Variants in SLC12A5 observed in about 807,000 individuals in gnomAD.
SLC12A5 encodes K-Cl cotransporter 2.
A neutral mutation model predicts 124.0 loss-of-function variants in SLC12A5; 18 were observed. The observed-to-expected ratio is 0.15, with a 90% CI of 0.10 to 0.22. The LOEUF is 0.22. Among genes scored for constraint, SLC12A5 ranks in the 10% least tolerant of loss-of-function variants. The pLI is 1.00. For synonymous variants in SLC12A5, 589 were observed against 568.0 expected, an observed-to-expected ratio of 1.04 and a Z score of -0.53; for missense variants, 867 against 1,478.7, an observed-to-expected ratio of 0.59 and a Z score of 6.78.
intron 17 of SLC12A5, among the ~76,000 whole-genome samples, chr20:46,050,785 A>C (rs1245524961): frequency 1.3e-5 from 2 of 152,244 alleles, no homozygotes; most frequent in African/African-American, 4.8e-5. Flanking sequence ...AAGGCAGAGC[A>C]TACACAGAAG....
At chr20:46,036,827 A>T in intron 5 of SLC12A5, 32 bp downstream of exon 5, 1 of 1,612,942 alleles carries the variant, frequency 6.2e-7, no homozygotes, top group Non-Finnish European at 8.5e-7. Context: ...GGGAGGGAGG[A>T]TGGCTGGGTG....
In SLC12A5 at chr20:46,029,298, G is replaced by A. The variant is rs1163146972; in HGVS notation, c.-47G>A. The A allele has an allele frequency of 2.6e-6, 4 of 1,513,860 alleles. No individual in the cohort carries two copies. The highest frequency in any genetic ancestry group is 1.3e-5 in the South Asian group (1 of 77,400). 93.8% of individuals were successfully genotyped at this position (1,513,860 alleles called of 1,614,324 possible). A position where few individuals can be genotyped will look rare whatever the true frequency, so the allele number is the denominator to read the frequency against. On this transcript the variant is annotated 5_prime_UTR_variant, in exon 1 of 26. Coordinates refer to ENST00000243964, the MANE Select transcript of SLC12A5 (RefSeq NM_020708.5). Reference sequence around the variant, plus strand: ...GCGGCGAAGGCGGGTAGAGGGGCGCGGGCGAGGCGGCGCAGCCATCCCCGG... The same window carrying A: ...GCGGCGAAGGCGGGTAGAGGGGCGCAGGCGAGGCGGCGCAGCCATCCCCGG...
In SLC12A5 at chr20:46,029,306, C is replaced by T. The variant is rs765869749; in HGVS notation, c.-39C>T. ...GGCGGGTAGAGGGGCGCGGGCGAGG[C>T]GGCGCAGCCATCCCCGGACCAGGGG... is the stretch of plus-strand genomic sequence containing the variant. On this transcript the variant is annotated 5_prime_UTR_variant, in exon 1 of 26. Transcript: ENST00000243964. The T allele has an allele frequency of 4.6e-6, 7 of 1,508,478 alleles. No homozygotes were observed. The South Asian group carries it at 7.7e-5, about 17-fold the overall frequency. The allele number at this position is 1,508,478 out of a possible 1,614,324, so 93.4% of individuals were successfully genotyped here. A position where few individuals can be genotyped will look rare whatever the true frequency, so the allele number is the denominator to read the frequency against.
At chr20:46,021,710 G>A (rs1280729767), upstream of SLC12A5, 15 of 1,524,048 alleles carry the variant, frequency 9.8e-6, no homozygotes, top group Non-Finnish European at 1.2e-5. Flanking sequence ...GAGCCTGGTT[G>A]CAGCCACTTG....
At chr20:46,047,030 G>T (rs888355254) in intron 14 of SLC12A5, among the ~76,000 whole-genome samples, 5 of 152,206 alleles carry the variant, frequency 3.3e-5, no homozygotes, top group African/African-American at 9.7e-5. Flanking sequence ...CCGGCCCAAG[G>T]TCCCCCAGCA....
Position 46,057,285 on chromosome 20 carries a change from C to A in SLC12A5, c.3241C>A (p.Arg1081Ser). The stretch of plus-strand genomic sequence containing the variant: ...CAACATGCCTGGGCCTCCCCGCAAC[C>A]GCAATGGTGATGAAAACTGTATCCT... The part of the protein sequence containing the change: ...LLNMPGPPRN[R>S]NGDENYMEFL... Residue 1081 changes from arginine to serine, a missense_variant, in exon 25 of 26, where the codon CGC becomes AGC. Physicochemically the swap from Arg to Ser is moderately radical, Grantham distance 110. This residue lies in a region of SLC12A5 where 180 missense variants were observed against 243.6 expected (regional missense o/e 0.74). Transcript: ENST00000243964. The surrounding 1 kb of genome is among the most constrained non-coding windows in gnomAD (Gnocchi z 7.1). The A allele has an allele frequency of 6.2e-7, 1 of 1,614,198 alleles. No individual in the cohort carries two copies. Among genetic ancestry groups the A allele is most frequent in the Non-Finnish European group, 8.5e-7 (1 of 1,180,040 alleles).
upstream of SLC12A5, among the ~76,000 whole-genome samples, chr20:46,026,939 G>C (rs960980305): frequency 6.6e-6 from 1 of 152,188 alleles, no homozygotes; most frequent in Admixed American, 6.5e-5. Flanking sequence ...AGTGGCCAAA[G>C]CTGGACCACA....
chr20:46,041,930 G>GGC (rs1015141967), intron 8 of SLC12A5, among the ~76,000 whole-genome samples: 1 of 152,018 alleles, frequency 6.6e-6, no homozygotes, highest in Non-Finnish European at 1.5e-5. Flanking sequence ...AATGCCCGGG[G>GGC]GGGGAGAGTT....
chr20:46,022,096 A>T, intron 1 of SLC12A5: 3 of 177,526 alleles, frequency 1.7e-5, no homozygotes, highest in Non-Finnish European at 1.6e-5. Context: ...GCCAAACGCG[A>T]GGTGGGCGTG....
chr20:46,058,445 C>T lies in SLC12A5; in HGVS notation c.*840C>T. The T allele has an allele frequency of 2.5e-6, 1 of 399,108 alleles. No individual in the cohort carries two copies. The highest frequency in any genetic ancestry group is 4.4e-6 in the Non-Finnish European group (1 of 226,132). 24.7% of individuals were successfully genotyped at this position (399,108 alleles called of 1,614,324 possible). On this transcript the variant is annotated 3_prime_UTR_variant, in exon 26 of 26. Coordinates refer to ENST00000243964, the MANE Select transcript of SLC12A5 (RefSeq NM_020708.5). The surrounding 1 kb of genome is among the most constrained non-coding windows in gnomAD (Gnocchi z 5.8). ...AAGGGTCCAACTTTTCCTGGATTCG[C>T]CTCCCAGCGGACGTGAGCTTCCACT...
intron 6 of SLC12A5, among the ~76,000 whole-genome samples, chr20:46,038,622 A>T (rs900330683): frequency 2.0e-5 from 3 of 152,234 alleles, no homozygotes; most frequent in African/African-American, 7.2e-5. Flanking sequence ...GAAAATGATA[A>T]GGGTAGAGAA....
chr20:46,022,580 T>G, intron 1 of SLC12A5: 1 of 353,804 alleles, frequency 2.8e-6, no homozygotes. Context: ...GGCAGGGAAG[T>G]TAGTATGGAT....
chr20:46,050,849 G>C (rs184626723), intron 17 of SLC12A5, among the ~76,000 whole-genome samples: 3 of 152,348 alleles, frequency 2.0e-5, no homozygotes, highest in Non-Finnish European at 4.4e-5. Flanking sequence ...TAACATCAGG[G>C]TCGTACAATG....
chr20:46,021,802 G>T, upstream of SLC12A5: 3 of 1,532,476 alleles, frequency 2.0e-6, no homozygotes, highest in Non-Finnish European at 2.6e-6. Flanking sequence ...GCTGCCCCCC[G>T]CAGGGCCCGC....
In SLC12A5 at chr20:46,021,888, T is replaced by C. The variant is rs2084358366; in HGVS notation, c.48+2T>C. 2 of 1,522,458 alleles carry C rather than the reference T, an allele frequency of 1.3e-6. No homozygotes were observed. Among genetic ancestry groups the C allele is most frequent in the Admixed American group, 4.0e-5 (2 of 50,132 alleles). 94.3% of individuals were successfully genotyped at this position (1,522,458 alleles called of 1,614,324 possible). On this transcript the variant is annotated splice_donor_variant, in intron 1 of 2. Coordinates refer to the SLC12A5 transcript ENST00000413737. LOFTEE classifies it high-confidence loss of function. The stretch of plus-strand genomic sequence containing the variant: ...ACCTCCCGGGGGAAGACGTCAAAGG[T>C]AGAGGCCGCAGGGGGCGGGGCCTGC...
At chr20:46,036,684 C>T (rs2084501414) in intron 4 of SLC12A5, 57 bp from the exon 5 acceptor site, 1 of 1,597,412 alleles carries the variant, frequency 6.3e-7, no homozygotes, top group Non-Finnish European at 8.6e-7. Flanking sequence ...TTGGCCCCCA[C>T]CCAGGCCACT....
chr20:46,055,508 G>T (rs987048485), intron 21 of SLC12A5, among the ~76,000 whole-genome samples: 1 of 152,114 alleles, frequency 6.6e-6, no homozygotes, highest in Admixed American at 6.5e-5. Flanking sequence ...GGGTGTGGGT[G>T]TAAGATCTTC....
chr20:46,029,086 C>G (rs1036748374), upstream of SLC12A5: 277 of 1,317,524 alleles, frequency 2.1e-4, no homozygotes, highest in Admixed American at 4.1e-4. Context: ...CGCTCTCCCC[C>G]CAAAACCCCG....
Position 46,056,512 on chromosome 20 carries a change from G to A in SLC12A5, c.3058G>A (p.Gly1020Ser). 6.2e-7 allele frequency: 1 copy of A among 1,614,120 alleles called. No homozygotes were observed. Among genetic ancestry groups the A allele is most frequent in the Non-Finnish European group, 8.5e-7 (1 of 1,179,986 alleles). The change falls in exon 23 of 26, where the codon GGC becomes AGC. Residue 1020 changes from glycine to serine, a missense_variant. This residue lies in a region of SLC12A5 where 180 missense variants were observed against 243.6 expected (regional missense o/e 0.74). Coordinates refer to ENST00000243964, the MANE Select transcript of SLC12A5 (RefSeq NM_020708.5). This position sits in a 1 kb window ranked among gnomAD's most constrained non-coding sequence, Gnocchi z 4.3. ...CAAGTCGGTGGCAGAGAAGAATAAG[G>A]GCCCCAGTCCTGTCTCCTCTGAGGG... ...KDKSVAEKNK[G>S]PSPVSSEGIK...
Sources: gnomAD v4.1 joint callset for allele counts (sites outside exome capture counted in the v4.1 genomes callset) on GRCh38, gnomAD v4.1.1 for gene constraint, gnomAD v4.1.1 regional missense constraint, Gnocchi (gnomAD v3.1) non-coding constraint, MANE v1.5 for transcripts, NCBI Gene and HGNC (gene_info 2026-07-23, HGNC 2026-07-21) for gene names.